Variants in ZYG11A observed in about 807,000 individuals in gnomAD.
ZYG11A encodes zyg-11 family member A, cell cycle regulator, also known as protein zyg-11 homolog A.
In ZYG11A, 62 loss-of-function variants were observed where a neutral mutation model predicts 77.2. The observed-to-expected ratio is 0.80, with a 90% confidence interval of 0.65 to 0.99. The LOEUF (loss-of-function observed/expected upper bound fraction) is 0.99, where lower values mean the gene tolerates loss of function less well. Ranked by LOEUF, ZYG11A falls within the 50% of genes least tolerant of loss-of-function variation. The probability of loss-of-function intolerance (pLI) is 0.00; values close to 1 mark genes in which losing one functional copy is unlikely to be tolerated. For missense variants in ZYG11A, 828 were observed against 896.8 expected (o/e 0.92, Z 0.98); for synonymous variants, 315 against 324.6 (o/e 0.97, Z 0.32).
chr1:52,870,733 C>T (rs1170932581), intron 8 of ZYG11A, among the ~76,000 whole-genome samples: 1 of 152,172 alleles, frequency 6.6e-6, no homozygotes, highest in East Asian at 1.9e-4. Flanking sequence ...TGACGGCGCG[C>T]GCCTGCAGTC....
At chr1:52,848,493 TAAAAAA>T (rs1159592639) in intron 1 of ZYG11A, among the ~76,000 whole-genome samples, 1 of 152,188 alleles carries the variant, frequency 6.6e-6, no homozygotes, top group South Asian at 2.1e-4. Flanking sequence ...GATTTGAACT[TAAAAAA>T]ATAAAATGAC....
At chr1:52,863,641 C>T (rs879406783) in intron 4 of ZYG11A, among the ~76,000 whole-genome samples, 4 of 152,198 alleles carry the variant, frequency 2.6e-5, no homozygotes, top group South Asian at 2.1e-4. Flanking sequence ...TTTATGCTAA[C>T]GAGTAGCTCT....
In ZYG11A at chr1:52,892,975, G is replaced by C. The variant is rs766289865; in HGVS notation, c.*18G>C. 2.5e-5 allele frequency: 38 copies of C among 1,546,944 alleles called. No individual in the cohort carries two copies. Among genetic ancestry groups the C allele is most frequent in the Non-Finnish European group, 3.1e-5 (35 of 1,143,874 alleles). On this transcript the variant is annotated 3_prime_UTR_variant, in exon 14 of 14. Transcript: ENST00000371528. ...CCTTCTGAACCTAAGGAATTTCAGA[G>C]GTGTGTGCTCTTCCTCAATGTCAGG...
Position 52,893,069 on chromosome 1 carries a change from T to G in ZYG11A, c.*112T>G. The stretch of plus-strand genomic sequence containing the variant: ...TTGTGAGTTGGCTGTCTCATTGGCC[T>G]TTGATTGTTGATTTTATATATGTTA... On this transcript the variant is annotated 3_prime_UTR_variant, in exon 14 of 14. Coordinates refer to ENST00000371528, the MANE Select transcript of ZYG11A (RefSeq NM_001004339.3). 2.1e-6 allele frequency: 2 copies of G among 932,474 alleles called. No homozygotes were observed. The highest frequency in any genetic ancestry group is 3.5e-5 in the South Asian group (2 of 57,000). The allele number at this position is 932,474 out of a possible 1,614,324, so 57.8% of individuals were successfully genotyped here.
chr1:52,870,033 C>T (rs1345640385), intron 8 of ZYG11A, among the ~76,000 whole-genome samples: 3 of 141,074 alleles, frequency 2.1e-5, no homozygotes, highest in South Asian at 2.3e-4. Flanking sequence ...TCAGACGGGG[C>T]GGCCAGGCAG....
intron 8 of ZYG11A, among the ~76,000 whole-genome samples, chr1:52,874,207 C>G (rs926401411): frequency 6.7e-6 from 1 of 150,352 alleles, no homozygotes; most frequent in Non-Finnish European, 1.5e-5. Flanking sequence ...GCTGAAGGCT[C>G]AGGTGGTTTA....
chr1:52,862,356 G>C (rs552709825), intron 4 of ZYG11A, among the ~76,000 whole-genome samples: 3 of 146,998 alleles, frequency 2.0e-5, no homozygotes, highest in African/African-American at 7.5e-5. Context: ...CTGTCGCCTA[G>C]GCTGGAGTGC....
intron 1 of ZYG11A, among the ~76,000 whole-genome samples, chr1:52,851,459 G>A (rs1304611449): frequency 3.3e-5 from 5 of 151,976 alleles, no homozygotes; most frequent in East Asian, 1.9e-4. Context: ...ATGTAGTGGC[G>A]CGATCTGGGC....
intron 8 of ZYG11A, among the ~76,000 whole-genome samples, chr1:52,872,510 A>G (rs1233366055): frequency 1.3e-5 from 2 of 152,100 alleles, no homozygotes; most frequent in African/African-American, 4.8e-5. Flanking sequence ...TTGTTATACG[A>G]TATCCATTCT....
In ZYG11A at chr1:52,893,835, G is replaced by T. The variant is rs1312539800; in HGVS notation, c.*878G>T. 7.9e-6 allele frequency: 1 copy of T among 126,206 alleles called. No homozygotes were observed. The allele number at this position is 126,206 out of a possible 1,614,324, so 7.8% of individuals were successfully genotyped here. On this transcript the variant is annotated 3_prime_UTR_variant, in exon 14 of 14. Transcript: ENST00000371528. Reference sequence around the variant, plus strand: ...TTTTTTTTTTTTTTTTTTTTGTGACGGAATCTCGCTCTGTCGCCCAGGCTG... The same window carrying T: ...TTTTTTTTTTTTTTTTTTTTGTGACTGAATCTCGCTCTGTCGCCCAGGCTG...
At chr1:52,870,892 G>GA (rs1336639198) in intron 8 of ZYG11A, among the ~76,000 whole-genome samples, 1 of 143,940 alleles carries the variant, frequency 6.9e-6, no homozygotes, top group Non-Finnish European at 1.6e-5. Flanking sequence ...GGGAGGGGGA[G>GA]AGGGAGAGGG....
Position 52,894,291 on chromosome 1 carries a change from A to T in ZYG11A, c.*1334A>T, listed in dbSNP as rs1285109370. 6.6e-6 allele frequency: 1 copy of T among 152,178 alleles called. No individual in the cohort carries two copies. Among genetic ancestry groups the T allele is most frequent in the African/African-American group, 2.4e-5 (1 of 41,456 alleles). 9.4% of individuals were successfully genotyped at this position (152,178 alleles called of 1,614,324 possible). ...TCCATTTTATTTGGGTGGAACCATGACCAAAAATGGTAGGAAGACGAAAGG... is the reference window on the plus strand; with the variant it reads ...TCCATTTTATTTGGGTGGAACCATGTCCAAAAATGGTAGGAAGACGAAAGG... On this transcript the variant is annotated 3_prime_UTR_variant, in exon 14 of 14. Coordinates refer to ENST00000371528, the MANE Select transcript of ZYG11A (RefSeq NM_001004339.3).
At chr1:52,866,403 A>G (rs1250777421) in intron 5 of ZYG11A, 100 bp from the exon 6 acceptor site, 2 of 613,892 alleles carry the variant, frequency 3.3e-6, no homozygotes, top group Non-Finnish European at 5.6e-6. Context: ...TGAGCTCTCA[A>G]TAAGAAAAGC....
At position 52,842,925 on chromosome 1, in the gene ZYG11A, C is replaced by T. The variant is rs763730522; in HGVS notation, c.42C>T (p.Ile14=). 83 of 1,529,456 alleles carry T rather than the reference C, an allele frequency of 5.4e-5. No homozygotes were observed. In the African/African-American group the frequency reaches 1.1e-3, roughly 20 times the overall value. 94.7% of individuals were successfully genotyped at this position (1,529,456 alleles called of 1,614,324 possible). A position where few individuals can be genotyped will look rare whatever the true frequency, so the allele number is the denominator to read the frequency against. ...FLHPGHTPRN[I]VPPDAQKDAL... The stretch of plus-strand genomic sequence containing the variant: ...ACCCGGGCCACACGCCCCGGAACAT[C>T]GTCCCTCCTGACGCTCAGAAGGATG... The change falls in exon 1 of 14, where the codon ATC becomes ATT. Residue 14 remains isoleucine (I), a synonymous_variant. Transcript: ENST00000371528.
intron 11 of ZYG11A, among the ~76,000 whole-genome samples, chr1:52,883,606 T>C (rs569710508): frequency 6.6e-6 from 1 of 151,658 alleles, no homozygotes; most frequent in African/African-American, 2.4e-5. Flanking sequence ...TTTGTACTTT[T>C]AGTAGTGACA....
At chr1:52,868,067 C>A (rs1372110811) in intron 8 of ZYG11A, among the ~76,000 whole-genome samples, 1 of 78,816 alleles carries the variant, frequency 1.3e-5, no homozygotes, top group African/African-American at 7.4e-5. Context: ...CCTGGGTTCA[C>A]GCGATCCCCT....
intron 3 of ZYG11A, among the ~76,000 whole-genome samples, chr1:52,859,705 T>C (rs1279664769): frequency 8.4e-6 from 1 of 118,694 alleles, no homozygotes; most frequent in Non-Finnish European, 1.7e-5. Flanking sequence ...TGAGACAGAG[T>C]CTCGGTCTGT....
rs1253096169 is a variant in ZYG11A, at chr1:52,848,698, C to A, written c.90+5725C>A. ...GGAGTTCAAGACCAGCCTGGAGAATCTCTACTAAATATACAAAAATTAGCC... is the reference window on the plus strand; with the variant it reads ...GGAGTTCAAGACCAGCCTGGAGAATATCTACTAAATATACAAAAATTAGCC... On this transcript the variant is annotated intron_variant, in intron 1 of 13. Transcript: ENST00000371528. Among the ~76,000 whole-genome samples, 3 of 151,978 alleles carry A rather than the reference C, an allele frequency of 2.0e-5. No individual in the cohort carries two copies. The East Asian group carries it at 5.8e-4, about 29-fold the overall frequency.
intron 2 of ZYG11A, 73 bp from the exon 3 acceptor site, chr1:52,856,925 T>C: frequency 7.0e-7 from 1 of 1,427,262 alleles, no homozygotes; most frequent in Non-Finnish European, 9.3e-7. Flanking sequence ...CTGTCTTAAT[T>C]CTTTGCCACA....
Sources: allele counts gnomAD v4.1 joint callset (sites outside exome capture counted in the v4.1 genomes callset), GRCh38; gene constraint gnomAD v4.1.1; transcripts MANE v1.5; gene names NCBI Gene and HGNC (gene_info 2026-07-23, HGNC 2026-07-21).